CPA6: variants seen among roughly 807,000 people sequenced by gnomAD.
CPA6 encodes the protein carboxypeptidase B.
In CPA6, 58 loss-of-function variants were observed where a neutral mutation model predicts 63.3. The observed-to-expected ratio is 0.92, with a 90% confidence interval of 0.74 to 1.14. The LOEUF is 1.14. CPA6 is among the 50% of genes most tolerant of loss of function. CPA6 has a pLI of 0.00. For missense variants in CPA6, 565 were observed against 526.6 expected (o/e 1.07, Z -0.71); for synonymous variants, 185 against 179.0 (o/e 1.03, Z -0.27).
At chr8:67,427,900 T>C in intron 10 of CPA6, 147 bp downstream of exon 10, 1 of 595,544 alleles carries the variant, frequency 1.7e-6, no homozygotes, top group Non-Finnish European at 3.0e-6. Context: ...GAATCAGATA[T>C]AAACTCCTTC....
rs546377709 is a variant in CPA6, at chr8:67,696,343, T to G, written c.116+49671A>C. Among the ~76,000 whole-genome samples, 64 of 152,330 alleles carry G rather than the reference T, an allele frequency of 4.2e-4. 1 individual carries two copies. The South Asian group carries it at 0.011, about 26-fold the overall frequency. On this transcript the variant is annotated intron_variant, in intron 1 of 10. Transcript: ENST00000297770. ...AGGGAAATGCAAATTACAGCCACAC[T>G]GAGAAGCCATAGTACATGCACTAGA...
chr8:67,544,184 A>C (rs1486586434), intron 2 of CPA6, among the ~76,000 whole-genome samples: 1 of 152,304 alleles, frequency 6.6e-6, no homozygotes, highest in African/African-American at 2.4e-5. Context: ...ATTATTAAAA[A>C]ACTCAGAGAA....
intron 2 of CPA6, among the ~76,000 whole-genome samples, chr8:67,588,658 A>G (rs1450657301): frequency 2.0e-5 from 3 of 152,202 alleles, no homozygotes; most frequent in African/African-American, 4.8e-5. Flanking sequence ...TAAAAAGAGA[A>G]ATGCTCAATG....
chr8:67,539,977 C>T (rs1812669443), intron 2 of CPA6, among the ~76,000 whole-genome samples: 1 of 152,048 alleles, frequency 6.6e-6, no homozygotes, highest in African/African-American at 2.4e-5. Flanking sequence ...TTGTTATTAC[C>T]CACCTTCTGA....
At chr8:67,640,977 C>T (rs968905825) in intron 1 of CPA6, among the ~76,000 whole-genome samples, 4 of 151,692 alleles carry the variant, frequency 2.6e-5, no homozygotes, top group Non-Finnish European at 4.4e-5. Flanking sequence ...CCTGGGAGCA[C>T]GTCCTGCCCA....
chr8:67,564,327 G>A (rs1366535107), intron 2 of CPA6, among the ~76,000 whole-genome samples: 1 of 151,372 alleles, frequency 6.6e-6, no homozygotes, highest in Non-Finnish European at 1.5e-5. Context: ...AGCTTTTTTT[G>A]TTTGTTTGTT....
At chr8:67,516,295 C>T (rs572288875) in intron 3 of CPA6, among the ~76,000 whole-genome samples, 2 of 152,342 alleles carry the variant, frequency 1.3e-5, no homozygotes, top group East Asian at 3.9e-4. Flanking sequence ...TTCCTCTCTA[C>T]AGTCTTAAGT....
intron 1 of CPA6, among the ~76,000 whole-genome samples, chr8:67,661,866 G>A (rs1816117458): frequency 6.6e-6 from 1 of 152,128 alleles, no homozygotes; most frequent in South Asian, 2.1e-4. Context: ...TATAATCTTT[G>A]TCTTTCTGCG....
intron 9 of CPA6, among the ~76,000 whole-genome samples, chr8:67,431,728 C>T (rs1810032326): frequency 6.6e-6 from 1 of 151,744 alleles, no homozygotes; most frequent in Non-Finnish European, 1.5e-5. Context: ...ACCTGCAGAG[C>T]AGCTAAAGAA....
rs533402756 is a variant in CPA6, at chr8:67,498,865, G to A, written c.636+7922C>T. Among the ~76,000 whole-genome samples, 164 of 152,264 alleles carry A rather than the reference G, an allele frequency of 1.1e-3. 1 individual carries two copies. The highest frequency in any genetic ancestry group is 3.8e-3 in the African/African-American group (157 of 41,556). ...ATGTGAATATTAGGAAAGAAAGAGA[G>A]GTAGCATGTACTGCAAACAGAAAGG... On this transcript the variant is annotated intron_variant, in intron 6 of 10. Coordinates refer to ENST00000297770, the MANE Select transcript of CPA6 (RefSeq NM_020361.5).
intron 1 of CPA6, among the ~76,000 whole-genome samples, chr8:67,736,222 TA>T (rs1817809828): frequency 6.6e-6 from 1 of 152,212 alleles, no homozygotes; most frequent in Non-Finnish European, 1.5e-5. Flanking sequence ...CCACCTGGTG[TA>T]AAATATGAGC....
intron 2 of CPA6, among the ~76,000 whole-genome samples, chr8:67,610,070 C>A (rs1446316831): frequency 6.6e-6 from 1 of 150,796 alleles, no homozygotes; most frequent in Non-Finnish European, 1.5e-5. Flanking sequence ...AAAAACCCCC[C>A]AAAAACCAAA....
chr8:67,584,790 G>A (rs1012655705), intron 2 of CPA6, among the ~76,000 whole-genome samples: 1 of 152,098 alleles, frequency 6.6e-6, no homozygotes, highest in Non-Finnish European at 1.5e-5. Flanking sequence ...GGGAGTTGGG[G>A]GTAGGATCTA....
chr8:67,680,489 TAAA>T (rs5892091), intron 1 of CPA6, among the ~76,000 whole-genome samples: 5 of 132,608 alleles, frequency 3.8e-5, no homozygotes, highest in African/African-American at 1.1e-4. Context: ...CCTCTGTATT[TAAA>T]AAAAAAAAAA....
At chr8:67,546,905 G>A (rs1812828941) in intron 2 of CPA6, among the ~76,000 whole-genome samples, 1 of 151,936 alleles carries the variant, frequency 6.6e-6, no homozygotes, top group Non-Finnish European at 1.5e-5. Context: ...GCTCACGGTG[G>A]CCTCCAACTC....
chr8:67,664,114 T>C (rs966102025), intron 1 of CPA6, among the ~76,000 whole-genome samples: 1 of 152,218 alleles, frequency 6.6e-6, no homozygotes, highest in South Asian at 2.1e-4. Flanking sequence ...ATTCATTCAT[T>C]GTGGTGGTCT....
At position 67,507,999 on chromosome 8, in the gene CPA6, TTGTGTGTGTGTGTG is replaced by T. The variant is rs145996041; in HGVS notation, c.535-1125_535-1112del. Reference sequence around the variant, plus strand: ...TTCCTCCTGTATTCTATGGGGTGCTTTGTGTGTGTGTGTGTGTGTGTGTGTGTGTGTGTGTGTGT... The same window carrying T: ...TTCCTCCTGTATTCTATGGGGTGCTTTGTGTGTGTGTGTGTGTGTGTGTGT... On this transcript the variant is annotated intron_variant, in intron 5 of 10. Transcript: ENST00000297770. Among the ~76,000 whole-genome samples the T allele has an allele frequency of 2.7e-3, 382 of 142,394 alleles. 2 individuals are homozygous for T. Among genetic ancestry groups the T allele is most frequent in the African/African-American group, 8.1e-3 (318 of 39,224 alleles). The allele number at this position is 142,394 out of a possible 152,430, so 93.4% of individuals were successfully genotyped here. A position where few individuals can be genotyped will look rare whatever the true frequency, so the allele number is the denominator to read the frequency against.
At chr8:67,442,165 T>C (rs1810308637) in intron 8 of CPA6, among the ~76,000 whole-genome samples, 1 of 152,150 alleles carries the variant, frequency 6.6e-6, no homozygotes, top group Admixed American at 6.5e-5. Flanking sequence ...TACAAGTTGA[T>C]GTTGAATTCA....
intron 1 of CPA6, among the ~76,000 whole-genome samples, chr8:67,719,548 G>A (rs1817451366): frequency 1.3e-5 from 2 of 152,192 alleles, no homozygotes; most frequent in Non-Finnish European, 2.9e-5. Context: ...GTCCACTGAA[G>A]TGTTTCGGAT....
Sources: gnomAD v4.1 joint callset for allele counts (sites outside exome capture counted in the v4.1 genomes callset) on GRCh38, gnomAD v4.1.1 for gene constraint, MANE v1.5 for transcripts, NCBI Gene and HGNC (gene_info 2026-07-23, HGNC 2026-07-21) for gene names.